Variants in CPE observed in about 807,000 individuals in gnomAD.
CPE encodes carbocypeptidase E.
In CPE, 17 loss-of-function variants were observed where a neutral mutation model predicts 53.5. The ratio of observed to expected loss-of-function variants is 0.32; its 90% confidence interval spans 0.22 to 0.48. CPE has a LOEUF of 0.48. Ranked by LOEUF, CPE falls within the 20% of genes least tolerant of loss-of-function variation. CPE has a pLI of 0.99. For synonymous variants in CPE, 226 were observed against 228.8 expected (o/e 0.99, Z 0.11); for missense variants, 524 against 614.7 (o/e 0.85, Z 1.56).
intron 4 of CPE, among the ~76,000 whole-genome samples, chr4:165,483,329 T>C (rs1382214640): frequency 1.3e-5 from 2 of 152,246 alleles, no homozygotes; most frequent in African/African-American, 2.4e-5. Flanking sequence ...TTCATTCTTT[T>C]TAATGGCTGC....
At chr4:165,491,064 A>G (rs967947277) in intron 6 of CPE, among the ~76,000 whole-genome samples, 2 of 152,200 alleles carry the variant, frequency 1.3e-5, no homozygotes, top group Non-Finnish European at 2.9e-5. Flanking sequence ...ATTTATTACT[A>G]CACTGGAATT....
Position 165,453,637 on chromosome 4 carries a change from G to T in CPE, c.308-10753G>T, listed in dbSNP as rs112203914. The stretch of plus-strand genomic sequence containing the variant: ...TAGGCTCAAGTGATCCTCCCGCCTT[G>T]GTTTCCCAAAGTGCTGAGATTACAG... On this transcript the variant is annotated intron_variant, in intron 1 of 8. Coordinates refer to ENST00000402744, the MANE Select transcript of CPE (RefSeq NM_001873.4). 4.9e-3 allele frequency among the ~76,000 whole-genome samples: 743 copies of T among 151,998 alleles called. 3 individuals are homozygous for T. The highest frequency in any genetic ancestry group is 0.017 in the African/African-American group (709 of 41,486).
chr4:165,497,481 A>T (rs112020947), intron 8 of CPE, 31 bp from the exon 9 acceptor site: 1 of 1,276,688 alleles, frequency 7.8e-7, no homozygotes, highest in Admixed American at 2.7e-5. Flanking sequence ...ATGCAGTTTG[A>T]TAATAATATG....
chr4:165,379,699 A>ACC lies in CPE; in HGVS notation c.307+173_307+174dup, dbSNP rs1449187464. On this transcript the variant is annotated intron_variant, in intron 1 of 8. Coordinates refer to ENST00000402744, the MANE Select transcript of CPE (RefSeq NM_001873.4). This position sits in a 1 kb window ranked among gnomAD's most constrained non-coding sequence, Gnocchi z 6.0. ...GAGGGAGGGATGGAAATGGGGAAGA[A>ACC]CCCGACTTAGAGCGCCAGTGGCCCA... 6.6e-6 allele frequency among the ~76,000 whole-genome samples: 1 copy of ACC among 151,866 alleles called. No homozygotes were observed. Among genetic ancestry groups the ACC allele is most frequent in the East Asian group, 1.9e-4 (1 of 5,152 alleles).
chr4:165,485,216 C>A (rs1385562944), intron 5 of CPE, among the ~76,000 whole-genome samples: 2 of 152,088 alleles, frequency 1.3e-5, no homozygotes, highest in Non-Finnish European at 2.9e-5. Context: ...CCTTCCTTGT[C>A]CCAAGGCGGA....
chr4:165,467,963 G>C, intron 3 of CPE, 108 bp downstream of exon 3: 2 of 1,269,774 alleles, frequency 1.6e-6, no homozygotes, highest in Non-Finnish European at 1.1e-6. Flanking sequence ...AGCTTGTATG[G>C]GGTGGTTAAC....
chr4:165,411,793 G>A (rs1731046620), intron 1 of CPE, among the ~76,000 whole-genome samples: 1 of 152,132 alleles, frequency 6.6e-6, no homozygotes, highest in African/African-American at 2.4e-5. Flanking sequence ...ACTGTGTGTG[G>A]TAAGTAGTTT....
rs1211151656 is a variant in CPE, at chr4:165,497,763, CTT to C, written c.*154_*155del. The C allele has an allele frequency of 7.9e-6, 3 of 379,336 alleles. No homozygotes were observed. Among genetic ancestry groups the C allele is most frequent in the African/African-American group, 2.1e-5 (1 of 47,980 alleles). 23.5% of individuals were successfully genotyped at this position (379,336 alleles called of 1,614,324 possible). On this transcript the variant is annotated 3_prime_UTR_variant, in exon 9 of 9. Transcript: ENST00000402744. The stretch of plus-strand genomic sequence containing the variant: ...CAACTTTCCTTAAAATAAATAGCCT[CTT>C]AGGTAAAAATATAAGAACTTGATAT...
intron 1 of CPE, chr4:165,405,242 G>A: frequency 1.2e-6 from 1 of 839,696 alleles, no homozygotes. Flanking sequence ...GGCAATGCCT[G>A]CTCCCATCAT....
At chr4:165,405,109 C>T (rs185695317) in intron 1 of CPE, 21 of 747,496 alleles carry the variant, frequency 2.8e-5, no homozygotes, top group South Asian at 2.4e-4. Flanking sequence ...TTTCAAATGA[C>T]GTTAGAGCTT....
chr4:165,461,715 A>C (rs926851885), intron 1 of CPE, among the ~76,000 whole-genome samples: 2 of 152,138 alleles, frequency 1.3e-5, no homozygotes, highest in East Asian at 3.9e-4. Context: ...GAATGCTGAC[A>C]TATTTGCTTT....
chr4:165,412,442 GA>G (rs1433087748), intron 1 of CPE, among the ~76,000 whole-genome samples: 3 of 152,130 alleles, frequency 2.0e-5, no homozygotes, highest in African/African-American at 7.2e-5. Context: ...AGACAATAAA[GA>G]AAACAGGGAT....
rs145169366 is a variant in CPE, at chr4:165,403,951, C to T, written c.307+24423C>T. The T allele has an allele frequency of 1.2e-3, 691 of 560,644 alleles. 2 individuals carry two copies. The highest frequency in any genetic ancestry group is 1.8e-3 in the Non-Finnish European group (539 of 300,520). 34.7% of individuals were successfully genotyped at this position (560,644 alleles called of 1,614,324 possible). ...TTTAATCAGGGAGCAAACCCAATGC[C>T]GGAGTTTGTCTTCCTTCTCGTTACT... On this transcript the variant is annotated intron_variant, in intron 1 of 8. Transcript: ENST00000402744.
intron 1 of CPE, among the ~76,000 whole-genome samples, chr4:165,385,633 G>A (rs1403769896): frequency 6.6e-6 from 1 of 151,890 alleles, no homozygotes; most frequent in Non-Finnish European, 1.5e-5. Context: ...ATTTTAAAAT[G>A]TGGGACATTC....
chr4:165,442,023 GTTTTT>G (rs11415472), intron 1 of CPE, among the ~76,000 whole-genome samples: 1 of 107,476 alleles, frequency 9.3e-6, no homozygotes, highest in African/African-American at 4.0e-5. Context: ...CGGTGAGTTT[GTTTTT>G]TTTTTTTGTT....
At chr4:165,432,424 T>C (rs985060637) in intron 1 of CPE, among the ~76,000 whole-genome samples, 2 of 152,078 alleles carry the variant, frequency 1.3e-5, no homozygotes, top group African/African-American at 4.8e-5. Context: ...GCCTCCCCAT[T>C]AGCTGGGACT....
chr4:165,424,435 T>C (rs548370927), intron 1 of CPE, among the ~76,000 whole-genome samples: 129 of 152,206 alleles, frequency 8.5e-4, no homozygotes, highest in African/African-American at 3.0e-3. Context: ...TTATCATGTT[T>C]GATTTTATTA....
At position 165,379,041 on chromosome 4, in the gene CPE, G is replaced by C. The variant is rs909639157; in HGVS notation, c.-181G>C. ...AGCCCGTGGAGCCGCGGCTTTGCCC[G>C]TCTCCTCTGGGTGGCCCCAGTGCGC... On this transcript the variant is annotated 5_prime_UTR_variant, in exon 1 of 9. Transcript: ENST00000402744. This position sits in a 1 kb window ranked among gnomAD's most constrained non-coding sequence, Gnocchi z 6.0. 2.2e-6 allele frequency: 1 copy of C among 464,508 alleles called. No individual in the cohort carries two copies. Among genetic ancestry groups the C allele is most frequent in the Non-Finnish European group, 3.3e-6 (1 of 301,140 alleles). The allele number at this position is 464,508 out of a possible 1,614,324, so 28.8% of individuals were successfully genotyped here. A position where few individuals can be genotyped will look rare whatever the true frequency, so the allele number is the denominator to read the frequency against.
At chr4:165,487,334 C>G in intron 5 of CPE, 104 bp from the exon 6 acceptor site, 1 of 1,480,796 alleles carries the variant, frequency 6.8e-7, no homozygotes, top group Non-Finnish European at 9.1e-7. Context: ...CCCAAATGCC[C>G]TGGTTTGTGT....
Sources: allele counts gnomAD v4.1 joint callset (sites outside exome capture counted in the v4.1 genomes callset), GRCh38; gene constraint gnomAD v4.1.1; non-coding constraint Gnocchi (gnomAD v3.1); transcripts MANE v1.5; gene names NCBI Gene and HGNC (gene_info 2026-07-23, HGNC 2026-07-21).